Variants in ARHGAP29 observed in about 807,000 individuals in gnomAD.
ARHGAP29 encodes the protein Rho GTPase activating protein 29.
In ARHGAP29, 43 loss-of-function variants were observed where a neutral mutation model predicts 122.6. The observed-to-expected ratio is 0.35, with a 90% CI of 0.27 to 0.45. The LOEUF is 0.45. Among genes scored for constraint, ARHGAP29 ranks in the 20% least tolerant of loss-of-function variants. The pLI is 1.00. For missense variants in ARHGAP29, 1,303 were observed against 1,477.2 expected (o/e 0.88, Z 1.93); for synonymous variants, 506 against 497.1 (o/e 1.02, Z -0.24).
intron 14 of ARHGAP29, 40 bp from the exon 15 acceptor site, chr1:94,188,981 A>G (rs2101427323): frequency 6.4e-7 from 1 of 1,562,596 alleles, no homozygotes; most frequent in Non-Finnish European, 8.8e-7. Flanking sequence ...GGCTACAGGT[A>G]GATTTCATAA....
chr1:94,196,133 T>C (rs1391177794), intron 12 of ARHGAP29, among the ~76,000 whole-genome samples: 1 of 152,128 alleles, frequency 6.6e-6, no homozygotes, highest in Admixed American at 6.5e-5. Flanking sequence ...CAGGAACCAA[T>C]TGATATTTAT....
chr1:94,259,612 G>A (rs544389153), intron 1 of ARHGAP29, among the ~76,000 whole-genome samples: 2 of 152,284 alleles, frequency 1.3e-5, no homozygotes, highest in East Asian at 3.9e-4. Context: ...CAATGTACCT[G>A]TAAGCCGAGG....
At chr1:94,298,745 A>AAT in the ARHGAP29 span, among the ~76,000 whole-genome samples, 37 of 152,188 alleles carry the variant, frequency 2.4e-4, no homozygotes, top group African/African-American at 8.0e-4. Flanking sequence ...TAGAAGAGTA[A>AAT]ATATATATAT....
intron 6 of ARHGAP29, among the ~76,000 whole-genome samples, chr1:94,205,432 C>G (rs537464556): frequency 6.6e-6 from 1 of 152,236 alleles, no homozygotes; most frequent in East Asian, 1.9e-4. Context: ...AAGCTTTACA[C>G]AATTCTTGAT....
chr1:94,302,421 C>T, the ARHGAP29 span: 1 of 362,440 alleles, frequency 2.8e-6, no homozygotes, highest in Non-Finnish European at 5.4e-6. Flanking sequence ...TCGTGATGGG[C>T]ATGAGCCATA....
chr1:94,195,533 A>T (rs970073109), intron 12 of ARHGAP29: 1 of 152,212 alleles, frequency 6.6e-6, no homozygotes, highest in Non-Finnish European at 1.5e-5. Context: ...AGACAAATTA[A>T]AATATATGTC....
the ARHGAP29 span, among the ~76,000 whole-genome samples, chr1:94,306,681 T>C: frequency 1.3e-5 from 2 of 152,192 alleles, no homozygotes; most frequent in Non-Finnish European, 2.9e-5. Context: ...TCCCACACTC[T>C]AACAAATCTC....
intron 20 of ARHGAP29, 40 bp from the exon 21 acceptor site, chr1:94,178,207 A>G (rs755765359): frequency 1.9e-6 from 3 of 1,561,606 alleles, no homozygotes; most frequent in South Asian, 2.4e-5. Flanking sequence ...AGATTTTCCT[A>G]TTAGAGTTCC....
chr1:94,241,856 G>A (rs984743711), upstream of ARHGAP29, among the ~76,000 whole-genome samples: 4 of 151,194 alleles, frequency 2.6e-5, no homozygotes, highest in East Asian at 1.9e-4. Flanking sequence ...ACTACACACC[G>A]CACTGGGCTC....
At chr1:94,182,789 G>C (rs1649557833) in intron 19 of ARHGAP29, among the ~76,000 whole-genome samples, 1 of 150,764 alleles carries the variant, frequency 6.6e-6, no homozygotes, top group African/African-American at 2.5e-5. Flanking sequence ...GCTCAAGTAT[G>C]GGCATGACCA....
chr1:94,201,856 A>G lies in ARHGAP29; in HGVS notation c.1145T>C (p.Val382Ala). The G allele has an allele frequency of 6.4e-7, 1 of 1,570,154 alleles. No individual in the cohort carries two copies. The highest frequency in any genetic ancestry group is 8.6e-7 in the Non-Finnish European group (1 of 1,164,840). The change falls in exon 12 of 23, where the codon GTA becomes GCA. Residue 382 changes from valine (V) to alanine (A), a missense_variant and splice_region_variant. By Grantham distance (64) the Val-to-Ala change is moderately conservative. Transcript: ENST00000260526. ...RRLEEEALQK[V>A]EEANELYKVC... ...TTTGTAAAGTTCATTTGCTTCTTCT[A>G]CCTTCACAAATATCACAGAAAAAAA... is the stretch of plus-strand genomic sequence containing the variant.
At chr1:94,279,402 C>T (rs759161569), upstream of ARHGAP29, among the ~76,000 whole-genome samples, 1 of 152,226 alleles carries the variant, frequency 6.6e-6, no homozygotes, top group African/African-American at 2.4e-5. Flanking sequence ...AATGTCATCT[C>T]CTCTATGAGG....
intron 15 of ARHGAP29, among the ~76,000 whole-genome samples, chr1:94,187,093 G>A (rs557192658): frequency 9.9e-5 from 15 of 152,244 alleles, no homozygotes; most frequent in African/African-American, 2.2e-4. Context: ...CAAGACTGCC[G>A]ACTGGGAACC....
At chr1:94,243,034 T>C (rs1056752459) in intron 1 of ARHGAP29, among the ~76,000 whole-genome samples, 1 of 151,830 alleles carries the variant, frequency 6.6e-6, no homozygotes, top group African/African-American at 2.4e-5. Flanking sequence ...AAAATAGAGG[T>C]CCAGAGTATG....
intron 1 of ARHGAP29, among the ~76,000 whole-genome samples, chr1:94,237,083 C>T (rs1414045545): frequency 2.0e-5 from 3 of 152,212 alleles, no homozygotes; most frequent in Non-Finnish European, 2.9e-5. Context: ...TGTGCAAAGG[C>T]TTCAGAACAG....
the ARHGAP29 span, among the ~76,000 whole-genome samples, chr1:94,311,214 C>A: frequency 6.6e-6 from 1 of 152,126 alleles, no homozygotes; most frequent in Non-Finnish European, 1.5e-5. Context: ...TTCTGGTATT[C>A]AGTAAGTGAA....
chr1:94,280,867 G>A, the ARHGAP29 span, among the ~76,000 whole-genome samples: 1 of 152,146 alleles, frequency 6.6e-6, no homozygotes, highest in African/African-American at 2.4e-5. Context: ...TAAGAGGATA[G>A]GATGGAGTTG....
the ARHGAP29 span, among the ~76,000 whole-genome samples, chr1:94,310,962 C>T: frequency 6.6e-6 from 1 of 152,182 alleles, no homozygotes; most frequent in East Asian, 1.9e-4. Flanking sequence ...CCCACTTGCC[C>T]TTCTCTACTG....
At chr1:94,216,370 G>A (rs1359150100) in intron 3 of ARHGAP29, among the ~76,000 whole-genome samples, 1 of 152,128 alleles carries the variant, frequency 6.6e-6, no homozygotes, top group Non-Finnish European at 1.5e-5. Flanking sequence ...AATGAGCAAG[G>A]AGCAGAACGC....
Sources: gnomAD v4.1 joint callset for allele counts (sites outside exome capture counted in the v4.1 genomes callset) on GRCh38, gnomAD v4.1.1 for gene constraint, MANE v1.5 for transcripts, NCBI Gene and HGNC (gene_info 2026-07-23, HGNC 2026-07-21) for gene names.